GRHL3: variants seen among roughly 807,000 people sequenced by gnomAD.
GRHL3 encodes the protein grainyhead-like protein 3 homolog.
A neutral mutation model predicts 70.3 loss-of-function variants in GRHL3; 20 were observed. The ratio of observed to expected loss-of-function variants is 0.28; its 90% CI spans 0.20 to 0.41. GRHL3 has a LOEUF of 0.41. Ranked by LOEUF, GRHL3 falls within the 10% of genes least tolerant of loss-of-function variation. The probability of loss-of-function intolerance (pLI) is 1.00; values close to 1 mark genes in which losing one functional copy is unlikely to be tolerated. For missense variants in GRHL3, 637 were observed against 762.3 expected (o/e 0.84, Z 1.94); for synonymous variants, 299 against 299.9 (o/e 1.00, Z 0.03).
chr1:24,351,738 C>T (rs1236104666), intron 15 of GRHL3, among the ~76,000 whole-genome samples: 1 of 152,186 alleles, frequency 6.6e-6, no homozygotes, highest in Non-Finnish European at 1.5e-5. Flanking sequence ...GAGGCTTCCC[C>T]TTAAGCCCCA....
chr1:24,337,798 G>C lies in GRHL3; in HGVS notation c.840+9G>C. 1 of 1,614,110 alleles carries C rather than the reference G, an allele frequency of 6.2e-7. No homozygotes were observed. Among genetic ancestry groups the C allele is most frequent in the South Asian group, 1.1e-5 (1 of 91,086 alleles). On this transcript the variant is annotated intron_variant, in intron 6 of 15. Coordinates refer to ENST00000361548, the MANE Select transcript of GRHL3 (RefSeq NM_198173.3). ...CCTCCAACAAAGTCAAGGTGCGTTG[G>C]CCTGGAGCAGCTTCAGAAGGGGTGG... is the stretch of plus-strand genomic sequence containing the variant.
chr1:24,334,618 A>G lies in GRHL3; in HGVS notation c.205-27A>G. ...CCTACCAGCAGAAGCTTAGCCATGC[A>G]TAAATCCTTCCTTTCTCTCTTCTCA... On this transcript the variant is annotated intron_variant, in intron 2 of 15. Transcript: ENST00000361548. This position sits in a 1 kb window ranked among gnomAD's most constrained non-coding sequence, Gnocchi z 4.3. 6.2e-7 allele frequency: 1 copy of G among 1,601,198 alleles called. No individual in the cohort carries two copies. Among genetic ancestry groups the G allele is most frequent in the Non-Finnish European group, 8.5e-7 (1 of 1,171,224 alleles).
chr1:24,338,999 C>G (rs543055632), intron 7 of GRHL3, among the ~76,000 whole-genome samples: 1 of 152,312 alleles, frequency 6.6e-6, no homozygotes, highest in South Asian at 2.1e-4. Flanking sequence ...CTCTTACTCC[C>G]CCTATTACTG....
At chr1:24,339,362 G>A (rs971218634) in intron 7 of GRHL3, among the ~76,000 whole-genome samples, 4 of 151,654 alleles carry the variant, frequency 2.6e-5, no homozygotes, top group East Asian at 1.9e-4. Context: ...TGCAACCTCC[G>A]CCTTCCAGGT....
intron 8 of GRHL3, among the ~76,000 whole-genome samples, chr1:24,341,052 C>G (rs930643258): frequency 6.6e-6 from 1 of 151,970 alleles, no homozygotes; most frequent in East Asian, 1.9e-4. Flanking sequence ...TCAGACACAC[C>G]CCCCCACATC....
At chr1:24,340,544 G>A (rs1272186105) in intron 8 of GRHL3, among the ~76,000 whole-genome samples, 4 of 152,218 alleles carry the variant, frequency 2.6e-5, no homozygotes, top group Non-Finnish European at 5.9e-5. Flanking sequence ...GAGCCAGCAT[G>A]GTGGAGAGGC....
chr1:24,336,616 G>A lies in GRHL3; in HGVS notation c.401G>A (p.Ser134Asn). ...PDLLKKNNLMSLEGALPTPGK... is the reference protein window; with the variant it reads ...PDLLKKNNLMNLEGALPTPGK... ...TTGCTCAAGAAGAATAACCTGATGA[G>A]CTTGGAGGGGGCCTTGCCCACCCCT... The change falls in exon 4 of 16, where the codon AGC (serine) becomes AAC (asparagine). Residue 134 changes from serine (S) to asparagine (N), a missense_variant. By Grantham distance (46) the Ser-to-Asn change is conservative. Around this residue, in one of 2 missense-constraint regions of GRHL3, gnomAD observed 250 missense variants for 248.6 expected, o/e 1.01. Coordinates refer to ENST00000361548, the MANE Select transcript of GRHL3 (RefSeq NM_198173.3). 3 of 1,614,136 alleles carry A rather than the reference G, an allele frequency of 1.9e-6. No homozygotes were observed. The highest frequency in any genetic ancestry group is 1.6e-4 in the Middle Eastern group (1 of 6,062).
intron 1 of GRHL3, among the ~76,000 whole-genome samples, chr1:24,328,317 A>G (rs1455222566): frequency 1.3e-5 from 2 of 152,184 alleles, no homozygotes; most frequent in African/African-American, 2.4e-5. Flanking sequence ...ATAAAAGGAG[A>G]TGATAATTCC....
At chr1:24,341,950 T>C (rs1331084446) in intron 8 of GRHL3, among the ~76,000 whole-genome samples, 165 bp from the exon 9 acceptor site, 3 of 152,194 alleles carry the variant, frequency 2.0e-5, no homozygotes, top group Non-Finnish European at 4.4e-5. Context: ...AGCATTGGCT[T>C]CCCCATCTGT....
intron 3 of GRHL3, among the ~76,000 whole-genome samples, chr1:24,335,383 T>C (rs1330308700): frequency 6.6e-6 from 1 of 152,220 alleles, no homozygotes; most frequent in Non-Finnish European, 1.5e-5. Flanking sequence ...TCCCTCTTTC[T>C]CCACTTTCTC....
intron 7 of GRHL3, among the ~76,000 whole-genome samples, chr1:24,339,128 C>T (rs1175461523): frequency 6.6e-6 from 1 of 152,172 alleles, no homozygotes; most frequent in Non-Finnish European, 1.5e-5. Context: ...GCTTGGGATT[C>T]CCTCTGGGGC....
chr1:24,358,630 AC>A, downstream of GRHL3: 1 of 1,606,732 alleles, frequency 6.2e-7, no homozygotes, highest in South Asian at 1.1e-5. Context: ...CTGTGAGGGG[AC>A]AGAGAGGCGG....
chr1:24,364,425 T>C, exon 16 of GRHL3: 1 of 1,479,434 alleles, frequency 6.8e-7, no homozygotes, highest in Non-Finnish European at 9.0e-7. Context: ...ATCTGAGAGC[T>C]CTCAGCTCAG....
At position 24,354,506 on chromosome 1, in the gene GRHL3, A is replaced by G. The variant is rs767583844; in HGVS notation, c.*18A>G. The G allele has an allele frequency of 1.3e-6, 2 of 1,518,382 alleles. No individual in the cohort carries two copies. Among genetic ancestry groups the G allele is most frequent in the Non-Finnish European group, 1.8e-6 (2 of 1,093,390 alleles). The allele number at this position is 1,518,382 out of a possible 1,614,324, so 94.1% of individuals were successfully genotyped here. A position where few individuals can be genotyped will look rare whatever the true frequency, so the allele number is the denominator to read the frequency against. On this transcript the variant is annotated 3_prime_UTR_variant, in exon 16 of 16. Transcript: ENST00000361548. ...AGCTGTAAGGCCTCTCGAGCATCCAAACCCTCACGACCTGCAAGGGGCCAG... is the reference window on the plus strand; with the variant it reads ...AGCTGTAAGGCCTCTCGAGCATCCAGACCCTCACGACCTGCAAGGGGCCAG...
chr1:24,332,260 C>T (rs1639641607), intron 2 of GRHL3, among the ~76,000 whole-genome samples: 2 of 152,218 alleles, frequency 1.3e-5, no homozygotes, highest in African/African-American at 2.4e-5. Flanking sequence ...GCCACCTCAT[C>T]TCCCTCTCCT....
At chr1:24,350,152 G>T (rs753749560) in intron 15 of GRHL3, 30 bp downstream of exon 15, 1 of 1,594,400 alleles carries the variant, frequency 6.3e-7, no homozygotes, top group Non-Finnish European at 8.6e-7. Context: ...TCCCCCAGCT[G>T]GTTGCTCAGT....
Position 24,321,224 on chromosome 1 carries a change from TCCTC to T in GRHL3, c.17+1660_17+1663del, listed in dbSNP as rs539746691. Reference sequence around the variant, plus strand: ...TGAACAGAAAGGTTTCTTGCTTTTCTCCTCCCTAATGGTTTGGATTTGAAGTCAG... The same window carrying T: ...TGAACAGAAAGGTTTCTTGCTTTTCTCCTAATGGTTTGGATTTGAAGTCAG... On this transcript the variant is annotated intron_variant, in intron 1 of 15. Coordinates refer to ENST00000361548, the MANE Select transcript of GRHL3 (RefSeq NM_198173.3). The surrounding 1 kb of genome is among the most constrained non-coding windows in gnomAD (Gnocchi z 4.0). Among the ~76,000 whole-genome samples, 228 of 152,320 alleles carry T rather than the reference TCCTC, an allele frequency of 1.5e-3. No individual in the cohort carries two copies. Among genetic ancestry groups the T allele is most frequent in the African/African-American group, 5.2e-3 (216 of 41,566 alleles).
At position 24,334,833 on chromosome 1, in the gene GRHL3, G is replaced by A; in HGVS notation, c.266+127G>A. ...TGCTGAGGGCCCACAACACATTTTG[G>A]GATTCATGATAATGTTTTCATTTAT... On this transcript the variant is annotated intron_variant, in intron 3 of 15. Coordinates refer to ENST00000361548, the MANE Select transcript of GRHL3 (RefSeq NM_198173.3). The surrounding 1 kb of genome is among the most constrained non-coding windows in gnomAD (Gnocchi z 4.3). The A allele has an allele frequency of 5.8e-6, 3 of 514,940 alleles. No individual in the cohort carries two copies. The highest frequency in any genetic ancestry group is 6.8e-6 in the Non-Finnish European group (2 of 294,636). The allele number at this position is 514,940 out of a possible 1,614,324, so 31.9% of individuals were successfully genotyped here.
At chr1:24,323,031 AG>A in intron 1 of GRHL3, 1 of 1,533,788 alleles carries the variant, frequency 6.5e-7, no homozygotes, top group Non-Finnish European at 8.8e-7. Flanking sequence ...GCCTCTGAAA[AG>A]AAGACAGAGG....
Sources: gnomAD v4.1 joint callset for allele counts (sites outside exome capture counted in the v4.1 genomes callset) on GRCh38, gnomAD v4.1.1 for gene constraint, gnomAD v4.1.1 regional missense constraint, Gnocchi (gnomAD v3.1) non-coding constraint, MANE v1.5 for transcripts, NCBI Gene and HGNC (gene_info 2026-07-23, HGNC 2026-07-21) for gene names.